TKTL1: variants seen among roughly 807,000 people sequenced by gnomAD.
TKTL1 encodes transketolase like 1.
Under a neutral mutation model 39.3 loss-of-function variants are expected in TKTL1, and 1 was observed. That is an observed-to-expected ratio of 0.03 (90% confidence interval 0.01 to 0.12). The LOEUF (loss-of-function observed/expected upper bound fraction) is 0.12. Ranked by LOEUF, TKTL1 falls within the 10% of genes least tolerant of loss-of-function variation. TKTL1 has a pLI of 1.00. For missense variants in TKTL1, 575 were observed against 509.6 expected, an observed-to-expected ratio of 1.13 and a Z score of -1.24; for synonymous variants, 262 against 193.8, an observed-to-expected ratio of 1.35 and a Z score of -2.92.
At chrX:154,313,883 A>C (rs1391189298) in intron 6 of TKTL1, among the ~76,000 whole-genome samples, 1 of 108,398 alleles carries the variant, frequency 9.2e-6, no homozygotes, top group Non-Finnish European at 1.9e-5. Flanking sequence ...ATAGTGAGCT[A>C]TGATTGGGCC....
intron 1 of TKTL1, among the ~76,000 whole-genome samples, chrX:154,299,149 CTTTTTTTTTTTTT>C (rs1180562974): frequency 2.8e-5 from 1 of 35,927 alleles, no homozygotes; most frequent in Non-Finnish European, 5.2e-5. Context: ...CTTTTTCTTT[CTTTTTTTTTTTTT>C]TTTTTTTTTT....
intron 8 of TKTL1, among the ~76,000 whole-genome samples, chrX:154,321,563 G>A (rs1254195823): frequency 9.2e-6 from 1 of 108,354 alleles, no homozygotes; most frequent in Non-Finnish European, 1.9e-5. Flanking sequence ...CCTAACAGAT[G>A]GAGCACTCTG....
intron 1 of TKTL1, among the ~76,000 whole-genome samples, chrX:154,303,155 C>T (rs62617805): frequency 1.4e-4 from 15 of 108,430 alleles, no homozygotes; most frequent in South Asian, 4.0e-4. Context: ...GACCCTACCT[C>T]TCATTCCCCA....
intron 8 of TKTL1, among the ~76,000 whole-genome samples, chrX:154,322,896 C>A (rs1281969683): frequency 8.9e-6 from 1 of 111,837 alleles, no homozygotes; most frequent in Non-Finnish European, 1.9e-5. Flanking sequence ...AGAGACTTAG[C>A]AGGCCAAACT....
Position 154,323,316 on chromosome X carries a change from T to G in TKTL1, c.1296T>G (p.Val432=). ...ATGCCGTCTCCACGGAGCATGCTGT[T>G]GCTCTGGCAGCCAATGCCAAGGTAT... The part of the protein sequence containing the change: ...PTDAVSTEHA[V]ALAANAKGMC... Residue 432 remains valine, a synonymous_variant, in exon 9 of 13, where the codon GTT becomes GTG. Transcript: ENST00000369915. 1 of 1,211,619 alleles carries G rather than the reference T, an allele frequency of 8.3e-7. No individual in the cohort carries two copies. The highest frequency in any genetic ancestry group is 1.8e-5 in the South Asian group (1 of 56,847).
intron 8 of TKTL1, among the ~76,000 whole-genome samples, chrX:154,321,558 CAGAT>C (rs1486647022): frequency 1.5e-4 from 16 of 108,103 alleles, no homozygotes; most frequent in African/African-American, 4.4e-4. Context: ...GTGTGCCTAA[CAGAT>C]GGAGCACTCT....
At chrX:154,308,102 A>C (rs1163418049) in intron 2 of TKTL1, among the ~76,000 whole-genome samples, 1 of 112,061 alleles carries the variant, frequency 8.9e-6, no homozygotes, top group African/African-American at 3.2e-5. Context: ...ACAGGCAGGA[A>C]ACAAACTTTT....
At chrX:154,309,178 G>A (rs1362978175) in intron 2 of TKTL1, among the ~76,000 whole-genome samples, 167 bp from the exon 3 acceptor site, 4 of 110,906 alleles carry the variant, frequency 3.6e-5, no homozygotes, top group Non-Finnish European at 7.6e-5. Context: ...GAAGCTTGGG[G>A]TGCATATGGG....
intron 1 of TKTL1, among the ~76,000 whole-genome samples, chrX:154,301,646 T>C (rs2067274348): frequency 8.9e-6 from 1 of 112,615 alleles, no homozygotes; most frequent in Non-Finnish European, 1.9e-5. Context: ...ACCTTCAAAA[T>C]TAGTAACAGA....
intron 3 of TKTL1, 82 bp from the exon 4 acceptor site, chrX:154,310,754 C>G (rs965084828): frequency 1.0e-5 from 9 of 881,808 alleles, no homozygotes. Context: ...CAGTTGCGTC[C>G]GTTTCTCCTC....
At chrX:154,302,171 A>G (rs1413957040) in intron 1 of TKTL1, among the ~76,000 whole-genome samples, 1 of 110,566 alleles carries the variant, frequency 9.0e-6, no homozygotes, top group African/African-American at 3.3e-5. Flanking sequence ...GACTTTCCAG[A>G]TGTTCTGGTT....
intron 9 of TKTL1, among the ~76,000 whole-genome samples, chrX:154,324,294 C>T (rs1289118465): frequency 3.6e-5 from 4 of 111,163 alleles, no homozygotes; most frequent in Non-Finnish European, 7.6e-5. Flanking sequence ...CACTCCACCA[C>T]GGCCGGCTAA....
chrX:154,305,117 GA>G, intron 1 of TKTL1, 186 bp from the exon 2 acceptor site: 6 of 1,155,467 alleles, frequency 5.2e-6, no homozygotes, highest in Non-Finnish European at 6.9e-6. Flanking sequence ...TGCACAGGGG[GA>G]GGGGTGGTGA....
At chrX:154,324,013 G>C (rs1480664500) in intron 9 of TKTL1, among the ~76,000 whole-genome samples, 3 of 112,758 alleles carry the variant, frequency 2.7e-5, no homozygotes, top group African/African-American at 9.6e-5. Flanking sequence ...GTAACCCCTG[G>C]CACAGTCGGG....
At chrX:154,322,504 C>G (rs1049698123) in intron 8 of TKTL1, among the ~76,000 whole-genome samples, 1 of 111,159 alleles carries the variant, frequency 9.0e-6, no homozygotes. Flanking sequence ...GCGCTCAAGC[C>G]TGGGCAACAG....
intron 1 of TKTL1, among the ~76,000 whole-genome samples, chrX:154,297,862 G>A (rs192103513): frequency 2.0e-4 from 22 of 111,927 alleles, no homozygotes; most frequent in African/African-American, 6.1e-4. Flanking sequence ...CTAAGATTGT[G>A]CCACTACGGC....
intron 8 of TKTL1, 40 bp downstream of exon 8, chrX:154,320,953 C>T (rs1228289961): frequency 8.5e-7 from 1 of 1,177,598 alleles, no homozygotes; most frequent in Non-Finnish European, 1.2e-6. Context: ...AGCCTTCCTC[C>T]TTCACAGAGA....
At chrX:154,310,552 C>G (rs969031999) in intron 3 of TKTL1, among the ~76,000 whole-genome samples, 1 of 112,557 alleles carries the variant, frequency 8.9e-6, no homozygotes, top group Non-Finnish European at 1.9e-5. Flanking sequence ...CCCTCTGGCC[C>G]TGTTTGCTTA....
intron 12 of TKTL1, 81 bp from the exon 13 acceptor site, chrX:154,329,435 G>T (rs1342072258): frequency 7.9e-6 from 8 of 1,015,808 alleles, no homozygotes; most frequent in Non-Finnish European, 1.1e-5. Flanking sequence ...GGAAGCTGCA[G>T]ATTCAAAGGC....
Sources: gnomAD v4.1 joint callset for allele counts (sites outside exome capture counted in the v4.1 genomes callset) on GRCh38, gnomAD v4.1.1 for gene constraint, MANE v1.5 for transcripts, NCBI Gene and HGNC (gene_info 2026-07-23, HGNC 2026-07-21) for gene names.